NCAM2: variants seen among roughly 807,000 people sequenced by gnomAD.
NCAM2 encodes the protein neural cell adhesion molecule 2.
NCAM2 carries 30 observed loss-of-function variants against 98.1 expected under a neutral mutation model. The observed-to-expected ratio is 0.31, with a 90% CI of 0.23 to 0.41. NCAM2 has a LOEUF of 0.41. Among genes scored for constraint, NCAM2 ranks in the 10% least tolerant of loss-of-function variants. The pLI, the probability that NCAM2 is intolerant of heterozygous loss-of-function variation, is 1.00. For missense variants in NCAM2, 867 were observed against 1,005.8 expected (o/e 0.86, Z 1.87); for synonymous variants, 368 against 342.4 (o/e 1.07, Z -0.83).
At chr21:21,057,953 A>G (rs2065246513) in intron 1 of NCAM2, among the ~76,000 whole-genome samples, 1 of 152,032 alleles carries the variant, frequency 6.6e-6, no homozygotes. Flanking sequence ...GCAAGAGAGG[A>G]GCATGATATG....
intron 1 of NCAM2, among the ~76,000 whole-genome samples, chr21:21,246,116 C>T (rs1023823829): frequency 2.0e-5 from 3 of 152,162 alleles, no homozygotes; most frequent in African/African-American, 7.2e-5. Flanking sequence ...CCCTTGCTGT[C>T]TCTTGGATCC....
At chr21:21,104,987 A>T (rs1431273259) in intron 1 of NCAM2, among the ~76,000 whole-genome samples, 3 of 152,110 alleles carry the variant, frequency 2.0e-5, no homozygotes, top group Non-Finnish European at 4.4e-5. Context: ...TGAGCTTAGA[A>T]CAAATCCCCC....
intron 1 of NCAM2, among the ~76,000 whole-genome samples, chr21:21,029,413 C>G (rs1284532678): frequency 6.6e-6 from 1 of 152,066 alleles, no homozygotes; most frequent in African/African-American, 2.4e-5. Flanking sequence ...TCCATACGTC[C>G]TTTTTTCTGT....
At chr21:21,471,944 A>G (rs761637132) in intron 14 of NCAM2, among the ~76,000 whole-genome samples, 15 of 152,048 alleles carry the variant, frequency 9.9e-5, no homozygotes, top group Non-Finnish European at 1.9e-4. Context: ...GTCTCTAACA[A>G]TAAATCAGTA....
At chr21:21,087,413 C>G (rs983518798) in intron 1 of NCAM2, among the ~76,000 whole-genome samples, 1 of 152,110 alleles carries the variant, frequency 6.6e-6, no homozygotes, top group African/African-American at 2.4e-5. Context: ...CATCTACTGT[C>G]GCTGCTCCCC....
chr21:21,240,502 A>G (rs1440484710), intron 1 of NCAM2, among the ~76,000 whole-genome samples: 1 of 152,188 alleles, frequency 6.6e-6, no homozygotes, highest in Non-Finnish European at 1.5e-5. Flanking sequence ...TCTCTTTACC[A>G]GAGAGCCTCA....
chr21:21,204,082 A>G (rs2069344317), intron 1 of NCAM2, among the ~76,000 whole-genome samples: 1 of 152,108 alleles, frequency 6.6e-6, no homozygotes, highest in Non-Finnish European at 1.5e-5. Flanking sequence ...CTTCTAACAT[A>G]CCTGTTTACC....
intron 1 of NCAM2, among the ~76,000 whole-genome samples, chr21:21,052,459 T>C (rs1013055519): frequency 2.6e-5 from 4 of 152,098 alleles, no homozygotes; most frequent in African/African-American, 7.2e-5. Context: ...GTTTTCCAGG[T>C]ATTTTAGTCC....
chr21:21,146,268 T>C (rs772875352), intron 1 of NCAM2, among the ~76,000 whole-genome samples: 39 of 152,020 alleles, frequency 2.6e-4, no homozygotes, highest in Non-Finnish European at 5.4e-4. Context: ...ATCACAGCCT[T>C]AGTTTTTATT....
At chr21:21,419,402 C>A (rs1264172407) in intron 11 of NCAM2, among the ~76,000 whole-genome samples, 1 of 141,202 alleles carries the variant, frequency 7.1e-6, no homozygotes, top group African/African-American at 2.6e-5. Flanking sequence ...GGTACATGTA[C>A]ACAATTTGCA....
chr21:21,299,073 A>T (rs551920945), intron 5 of NCAM2, among the ~76,000 whole-genome samples: 110 of 151,858 alleles, frequency 7.2e-4, no homozygotes, highest in Non-Finnish European at 1.4e-3. Context: ...GCAAATTTTT[A>T]TCATTTCATA....
intron 1 of NCAM2, among the ~76,000 whole-genome samples, chr21:21,093,718 T>C (rs938431864): frequency 6.6e-6 from 1 of 152,064 alleles, no homozygotes; most frequent in African/African-American, 2.4e-5. Flanking sequence ...AGCATCTTAA[T>C]GTAACAGTAA....
chr21:21,301,321 T>G (rs1362134163), intron 5 of NCAM2, among the ~76,000 whole-genome samples: 1 of 152,042 alleles, frequency 6.6e-6, no homozygotes, highest in African/African-American at 2.4e-5. Context: ...ATTGGATGTC[T>G]AGAAGGGTAT....
intron 16 of NCAM2, among the ~76,000 whole-genome samples, chr21:21,527,977 G>A (rs1204365074): frequency 2.0e-5 from 3 of 152,198 alleles, no homozygotes; most frequent in Non-Finnish European, 4.4e-5. Context: ...TGAATAAACT[G>A]TGGTAGATCC....
intron 1 of NCAM2, among the ~76,000 whole-genome samples, chr21:21,249,321 C>T (rs1381598638): frequency 6.6e-6 from 1 of 152,100 alleles, no homozygotes; most frequent in Non-Finnish European, 1.5e-5. Context: ...AGAAAAGTTA[C>T]TACATTGCAT....
At chr21:21,491,677 T>C (rs1411091772) in intron 15 of NCAM2, among the ~76,000 whole-genome samples, 1 of 151,582 alleles carries the variant, frequency 6.6e-6, no homozygotes, top group African/African-American at 2.4e-5. Flanking sequence ...AAAGAGAAAA[T>C]GTTCATTTTC....
rs61635255 is a variant in NCAM2 at position 21,522,632 on chromosome 21, C to CTTTTTTTTTTTTTTTT, written c.2283-11904_2283-11889dup. ...AAGTTCTTTTTTTCTTTTTCTTTTT[C>CTTTTTTTTTTTTTTTT]TTTTTTTTTTTTTTTTGAGACAGAG... is the stretch of plus-strand genomic sequence containing the variant. On this transcript the variant is annotated intron_variant, in intron 16 of 17. Transcript: ENST00000400546. Among the ~76,000 whole-genome samples, 71 of 124,720 alleles carry CTTTTTTTTTTTTTTTT rather than the reference C, an allele frequency of 5.7e-4. 1 individual carries two copies. Among genetic ancestry groups the CTTTTTTTTTTTTTTTT allele is most frequent in the East Asian group, 2.4e-3 (10 of 4,148 alleles). 81.8% of individuals were successfully genotyped at this position (124,720 alleles called of 152,430 possible). A position where few individuals can be genotyped will look rare whatever the true frequency, so the allele number is the denominator to read the frequency against.
intron 1 of NCAM2, among the ~76,000 whole-genome samples, chr21:21,087,463 G>A (rs1472549191): frequency 6.6e-6 from 1 of 152,096 alleles, no homozygotes; most frequent in Admixed American, 6.6e-5. Flanking sequence ...ATCCTCCTGG[G>A]TTCTGATAAC....
At chr21:21,104,918 A>C (rs2146502730) in intron 1 of NCAM2, among the ~76,000 whole-genome samples, 1 of 152,264 alleles carries the variant, frequency 6.6e-6, no homozygotes, top group African/African-American at 2.4e-5. Context: ...TGTTGGGAGC[A>C]GCCCAGTGGG....
Sources: gnomAD v4.1 joint callset for allele counts (sites outside exome capture counted in the v4.1 genomes callset) on GRCh38, gnomAD v4.1.1 for gene constraint, MANE v1.5 for transcripts, NCBI Gene and HGNC (gene_info 2026-07-23, HGNC 2026-07-21) for gene names.